Variants in RYR1 observed in about 807,000 individuals in gnomAD.
RYR1 encodes ryanodine receptor 1.
RYR1 carries 342 observed loss-of-function variants against 583.5 expected under a neutral mutation model. The observed-to-expected ratio is 0.59, with a 90% confidence interval of 0.54 to 0.64. RYR1 has a LOEUF of 0.64. Among genes scored for constraint, RYR1 ranks in the 30% least tolerant of loss-of-function variants. The probability of loss-of-function intolerance (pLI) is 0.00; values close to 1 mark genes in which losing one functional copy is unlikely to be tolerated. For synonymous variants in RYR1, 2,791 were observed against 2,822.5 expected (o/e 0.99, Z 0.35); for missense variants, 6,032 against 6,917.2 (o/e 0.87, Z 4.54).
At chr19:38,549,471 C>T (rs1914646346) in intron 89 of RYR1, among the ~76,000 whole-genome samples, 1 of 152,016 alleles carries the variant, frequency 6.6e-6, no homozygotes, top group African/African-American at 2.4e-5. Context: ...TGAGGATGGG[C>T]AGTGCGGGCA....
At position 38,579,975 on chromosome 19, in the gene RYR1, C is replaced by T. The variant is rs760651051; in HGVS notation, c.14365-7C>T. 5 of 1,613,946 alleles carry T rather than the reference C, an allele frequency of 3.1e-6. No homozygotes were observed. In the African/African-American group the frequency reaches 5.3e-5, roughly 17 times the overall value. ...TCCCCCTGACCCCTGGCCCTGTGTG[C>T]CCACAGTCCTTCCTGTACCTGGGCT... On this transcript the variant is annotated splice_region_variant and splice_polypyrimidine_tract_variant and intron_variant, in intron 99 of 105. Coordinates refer to ENST00000359596, the MANE Select transcript of RYR1 (RefSeq NM_000540.3).
rs886054395 is a variant in RYR1, at chr19:38,504,213, C to T, written c.7927-7C>T. 6.2e-7 allele frequency: 1 copy of T among 1,610,232 alleles called. No individual in the cohort carries two copies. The highest frequency in any genetic ancestry group is 1.7e-4 in the Middle Eastern group (1 of 6,036). The stretch of plus-strand genomic sequence containing the variant: ...CATTTGTGTGTCCCCCTCTTGTTCC[C>T]ACCCAGCTCCTCACCAACCACTATG... On this transcript the variant is annotated splice_polypyrimidine_tract_variant and splice_region_variant and intron_variant, in intron 49 of 105. Transcript: ENST00000359596.
intron 58 of RYR1, among the ~76,000 whole-genome samples, chr19:38,508,772 GGCTTTGCAA>G (rs1970594966): frequency 6.6e-6 from 1 of 152,158 alleles, no homozygotes; most frequent in Non-Finnish European, 1.5e-5. Context: ...GATCATGCAG[GGCTTTGCAA>G]GCTGTGATGA....
In RYR1 at chr19:38,565,454, G is replaced by A. The variant is rs1973363499; in HGVS notation, c.13120G>A (p.Val4374Met). Residue 4374 changes from valine (V) to methionine (M), a missense_variant, in exon 91 of 106, where the codon GTG becomes ATG. By Grantham distance (21) the Val-to-Met change is conservative. Around this residue, in one of 11 missense-constraint regions of RYR1, gnomAD observed 753 missense variants for 759.6 expected, o/e 0.99. Coordinates refer to ENST00000359596, the MANE Select transcript of RYR1 (RefSeq NM_000540.3). The surrounding 1 kb of genome is among the most constrained non-coding windows in gnomAD (Gnocchi z 4.7). The stretch of plus-strand genomic sequence containing the variant: ...CGGCCTGGTGGAGGGCGCCAAGAAG[G>A]TGACGGTGACCGAGCTCCTGGCAGG... Reference protein sequence around the residue: ...GGGLVEGAKKVTVTELLAGMP... With the variant: ...GGGLVEGAKKMTVTELLAGMP... 2 of 1,500,368 alleles carry A rather than the reference G, an allele frequency of 1.3e-6. No individual in the cohort carries two copies. Among genetic ancestry groups the A allele is most frequent in the African/African-American group, 1.5e-5 (1 of 68,874 alleles). 92.9% of individuals were successfully genotyped at this position (1,500,368 alleles called of 1,614,324 possible).
At chr19:38,457,174 T>C (rs1450284802) in intron 16 of RYR1, among the ~76,000 whole-genome samples, 1 of 152,110 alleles carries the variant, frequency 6.6e-6, no homozygotes, top group East Asian at 1.9e-4. Context: ...AAATTTCATC[T>C]TGATTCCTGT....
In RYR1 at chr19:38,527,551, T is replaced by C. The variant is rs548075420; in HGVS notation, c.10687-96T>C. The C allele has an allele frequency of 1.0e-3, 1,489 of 1,488,162 alleles. 4 individuals are homozygous for C. The highest frequency in any genetic ancestry group is 1.4e-3 in the South Asian group (120 of 84,552). 92.2% of individuals were successfully genotyped at this position (1,488,162 alleles called of 1,614,324 possible). A position where few individuals can be genotyped will look rare whatever the true frequency, so the allele number is the denominator to read the frequency against. ...GAAGAAGAAAGGCCTCAACATGCAC[T>C]CACCCATTGAGTCCTCCCAAAAACG... On this transcript the variant is annotated intron_variant, in intron 72 of 105. Coordinates refer to ENST00000359596, the MANE Select transcript of RYR1 (RefSeq NM_000540.3).
At position 38,485,633 on chromosome 19, in the gene RYR1, C is replaced by G. The variant is rs1131691406; in HGVS notation, c.4978C>G (p.Arg1660Gly). 13 of 1,609,948 alleles carry G rather than the reference C, an allele frequency of 8.1e-6. No individual in the cohort carries two copies. The highest frequency in any genetic ancestry group is 1.1e-5 in the Non-Finnish European group (13 of 1,179,962). ...GCTGTCGGAGCGCCTGGACCTGCAGCGCTTCCACTCGCACACCCTGCGCCT... is the reference window on the plus strand; with the variant it reads ...GCTGTCGGAGCGCCTGGACCTGCAGGGCTTCCACTCGCACACCCTGCGCCT... ...LELSERLDLQ[R>G]FHSHTLRLYR... The change falls in exon 34 of 106, where the codon CGC becomes GGC. Residue 1660 changes from arginine to glycine, a missense_variant. By Grantham distance (125) the Arg-to-Gly change is moderately radical. Around this residue, in one of 11 missense-constraint regions of RYR1, gnomAD observed 2,627 missense variants for 2,961.3 expected, o/e 0.89. Transcript: ENST00000359596.
Position 38,500,715 on chromosome 19 carries a change from C to A in RYR1, c.7433C>A (p.Thr2478Asn), listed in dbSNP as rs141298868. 1.5e-4 allele frequency: 242 copies of A among 1,614,022 alleles called. No individual in the cohort carries two copies. Among genetic ancestry groups the A allele is most frequent in the Non-Finnish European group, 1.9e-4 (225 of 1,180,028 alleles). ...ATCAGCCTCCCACTGCAGATTCCCA[C>A]CCTGGGCAAAGGTGCAGAGGGGATG... ...GIISLPLQIPTLGKDGALVQP... is the reference protein window; with the variant it reads ...GIISLPLQIPNLGKDGALVQP... Residue 2478 changes from threonine to asparagine, a missense_variant, in exon 46 of 106, where the codon ACC (threonine) becomes AAC (asparagine). This residue lies in a region of RYR1 where 2,627 missense variants were observed against 2,961.3 expected (regional missense o/e 0.89). Transcript: ENST00000359596. This position sits in a 1 kb window ranked among gnomAD's most constrained non-coding sequence, Gnocchi z 5.9.
Position 38,489,165 on chromosome 19 carries a change from T to G in RYR1, c.5548-12T>G. The G allele has an allele frequency of 6.2e-7, 1 of 1,614,038 alleles. No individual in the cohort carries two copies. The highest frequency in any genetic ancestry group is 8.5e-7 in the Non-Finnish European group (1 of 1,179,964). On this transcript the variant is annotated splice_polypyrimidine_tract_variant and intron_variant, in intron 34 of 105. Transcript: ENST00000359596. Reference sequence around the variant, plus strand: ...GCAGGCCACAGTGAAGAACCGAGACTTTGTCCTGTAGGTGATGGGCATCTT... The same window carrying G: ...GCAGGCCACAGTGAAGAACCGAGACGTTGTCCTGTAGGTGATGGGCATCTT...
chr19:38,567,425 C>A (rs1973495636), intron 92 of RYR1, among the ~76,000 whole-genome samples: 1 of 152,220 alleles, frequency 6.6e-6, no homozygotes, highest in Non-Finnish European at 1.5e-5. Flanking sequence ...CACAGGCCCC[C>A]ATGCCTACTC....
Position 38,433,792 on chromosome 19 carries a change from T to G in RYR1, c.-38T>G, listed in dbSNP as rs769462259. The G allele has an allele frequency of 7.2e-6, 10 of 1,380,998 alleles. No homozygotes were observed. The highest frequency in any genetic ancestry group is 8.0e-6 in the Non-Finnish European group (8 of 1,001,068). The allele number at this position is 1,380,998 out of a possible 1,614,324, so 85.5% of individuals were successfully genotyped here. On this transcript the variant is annotated 5_prime_UTR_variant, in exon 1 of 106. Transcript: ENST00000359596. ...CCAGCCCGCAGCCCCCTCCCTCTGT[T>G]CCCCGACCTCAGACCCTGGGCTTCC...
intron 3 of RYR1, among the ~76,000 whole-genome samples, chr19:38,442,728 C>G (rs759960561): frequency 3.3e-5 from 5 of 152,148 alleles, no homozygotes; most frequent in Non-Finnish European, 7.4e-5. Flanking sequence ...GGGTCCTCCC[C>G]CACCCCAGTT....
Position 38,537,970 on chromosome 19 carries a change from AG to A in RYR1, c.11689+14del. The A allele has an allele frequency of 1.3e-6, 1 of 799,792 alleles. No homozygotes were observed. Among genetic ancestry groups the A allele is most frequent in the African/African-American group, 1.8e-5 (1 of 57,100 alleles). 49.5% of individuals were successfully genotyped at this position (799,792 alleles called of 1,614,324 possible). A position where few individuals can be genotyped will look rare whatever the true frequency, so the allele number is the denominator to read the frequency against. On this transcript the variant is annotated intron_variant, in intron 84 of 105. Coordinates refer to ENST00000359596, the MANE Select transcript of RYR1 (RefSeq NM_000540.3). ...GAGGGGCACAATAATGGTGAGGAGG[AG>A]GGGTGTGGGGTGGAGGGGAAGCCGA...
chr19:38,475,595 G>A, intron 29 of RYR1, 145 bp downstream of exon 29: 1 of 1,048,742 alleles, frequency 9.5e-7, no homozygotes, highest in South Asian at 1.4e-5. Flanking sequence ...ATAAAATATG[G>A]CACACACAGA....
chr19:38,561,642 C>T lies in RYR1; in HGVS notation c.12624+188C>T, dbSNP rs1053507436. The stretch of plus-strand genomic sequence containing the variant: ...CGCCCTTGCACATCCCTGGCTCGCC[C>T]CTGGCCACTTCTTGCGGACCTGGCC... On this transcript the variant is annotated intron_variant, in intron 90 of 105. Transcript: ENST00000359596. This position sits in a 1 kb window ranked among gnomAD's most constrained non-coding sequence, Gnocchi z 4.8. Among the ~76,000 whole-genome samples, 2 of 152,344 alleles carry T rather than the reference C, an allele frequency of 1.3e-5. No homozygotes were observed. Among genetic ancestry groups the T allele is most frequent in the East Asian group, 3.9e-4 (2 of 5,190 alleles).
At chr19:38,526,734 C>T (rs887883287) in intron 71 of RYR1, among the ~76,000 whole-genome samples, 13 of 152,230 alleles carry the variant, frequency 8.5e-5, no homozygotes, top group African/African-American at 2.9e-4. Flanking sequence ...CCTCTTGTCA[C>T]CCTTTGCCTC....
rs752567637 is a variant in RYR1 at position 38,464,619 on chromosome 19, C to T, written c.2787-20C>T. 58 of 1,563,102 alleles carry T rather than the reference C, an allele frequency of 3.7e-5. 3 individuals carry two copies. In the South Asian group the frequency reaches 5.6e-4, roughly 15 times the overall value. On this transcript the variant is annotated intron_variant, in intron 22 of 105. Coordinates refer to ENST00000359596, the MANE Select transcript of RYR1 (RefSeq NM_000540.3). Reference sequence around the variant, plus strand: ...AGCTCTGAGGGGCGTGACCTGTCGCCTCCACTCCCCCACCCCCAGGACTCT... The same window carrying T: ...AGCTCTGAGGGGCGTGACCTGTCGCTTCCACTCCCCCACCCCCAGGACTCT...
At chr19:38,575,431 G>A (rs1173955907) in intron 96 of RYR1, among the ~76,000 whole-genome samples, 3 of 152,304 alleles carry the variant, frequency 2.0e-5, no homozygotes, top group South Asian at 2.1e-4. Context: ...AGGCCAAGGC[G>A]GGAGGGGGGA....
Position 38,565,906 on chromosome 19 carries a change from C to T in RYR1, c.13437+135C>T. ...TGGGCACACGCACCCACGGAGGACG[C>T]ACCCATGGAGGACGCACACGGGGAC... On this transcript the variant is annotated intron_variant, in intron 91 of 105. Coordinates refer to ENST00000359596, the MANE Select transcript of RYR1 (RefSeq NM_000540.3). This position sits in a 1 kb window ranked among gnomAD's most constrained non-coding sequence, Gnocchi z 4.7. 9.4e-7 allele frequency: 1 copy of T among 1,067,260 alleles called. No homozygotes were observed. The highest frequency in any genetic ancestry group is 2.9e-5 in the South Asian group (1 of 34,666). The allele number at this position is 1,067,260 out of a possible 1,614,324, so 66.1% of individuals were successfully genotyped here.
Sources: allele counts gnomAD v4.1 joint callset (sites outside exome capture counted in the v4.1 genomes callset), GRCh38; gene constraint gnomAD v4.1.1; regional missense constraint gnomAD v4.1.1; non-coding constraint Gnocchi (gnomAD v3.1); transcripts MANE v1.5; gene names NCBI Gene and HGNC (gene_info 2026-07-23, HGNC 2026-07-21).